The following NRXN1 variants were observed in gnomAD, a reference collection of about 807,000 sequenced individuals.
NRXN1 encodes the protein neurexin-1.
Under a neutral mutation model 150.9 loss-of-function variants are expected in NRXN1, and 39 were observed. That is an observed-to-expected ratio of 0.26 (90% CI 0.20 to 0.34). The LOEUF (loss-of-function observed/expected upper bound fraction) is 0.34. Among genes scored for constraint, NRXN1 ranks in the 10% least tolerant of loss-of-function variants. The pLI, the probability that NRXN1 is intolerant of heterozygous loss-of-function variation, is 1.00. For missense variants in NRXN1, 1,815 were observed against 1,949.9 expected (o/e 0.93, Z 1.30); for synonymous variants, 924 against 757.0 (o/e 1.22, Z -3.62).
At chr2:50,840,766 T>C (rs917604113) in intron 5 of NRXN1, among the ~76,000 whole-genome samples, 7 of 152,270 alleles carry the variant, frequency 4.6e-5, no homozygotes, top group Middle Eastern at 3.4e-3. Flanking sequence ...TCTATAGAAA[T>C]CTCATGTTTT....
chr2:50,949,428 G>A (rs181903448), intron 2 of NRXN1, among the ~76,000 whole-genome samples: 4 of 152,038 alleles, frequency 2.6e-5, no homozygotes, highest in Admixed American at 6.6e-5. Context: ...TACTCATACT[G>A]AAACATACTC....
chr2:50,177,328 C>T (rs1309415477), intron 18 of NRXN1, among the ~76,000 whole-genome samples: 1 of 151,874 alleles, frequency 6.6e-6, no homozygotes, highest in East Asian at 1.9e-4. Flanking sequence ...GTTTCATGCA[C>T]GTTAAATAGT....
At chr2:50,022,416 G>T (rs1017607136) in intron 21 of NRXN1, among the ~76,000 whole-genome samples, 4 of 152,156 alleles carry the variant, frequency 2.6e-5, no homozygotes, top group Non-Finnish European at 4.4e-5. Context: ...TGTACTTAAT[G>T]ATTAGATACA....
chr2:50,408,997 T>C (rs189958029), intron 17 of NRXN1, among the ~76,000 whole-genome samples: 1 of 152,258 alleles, frequency 6.6e-6, no homozygotes, highest in Admixed American at 6.5e-5. Context: ...ATGTGGTAAC[T>C]TTTTGGAGTG....
chr2:50,128,131 C>G (rs1366582953), intron 18 of NRXN1, among the ~76,000 whole-genome samples: 1 of 152,166 alleles, frequency 6.6e-6, no homozygotes, highest in Non-Finnish European at 1.5e-5. Context: ...TATCTTTGAG[C>G]TCTACCATGA....
At chr2:50,412,013 C>G (rs1572875449) in intron 17 of NRXN1, among the ~76,000 whole-genome samples, 1 of 152,204 alleles carries the variant, frequency 6.6e-6, no homozygotes, top group East Asian at 1.9e-4. Flanking sequence ...TATAACCTTA[C>G]CCCCAACCCC....
intron 5 of NRXN1, among the ~76,000 whole-genome samples, chr2:50,695,913 G>A (rs1692766909): frequency 6.8e-6 from 1 of 147,830 alleles, no homozygotes. Flanking sequence ...CACAATCTTG[G>A]CTCACTGCAA....
chr2:49,945,404 T>TA lies in NRXN1; in HGVS notation c.4129-1614dup, dbSNP rs572918408. Among the ~76,000 whole-genome samples, 47 of 151,764 alleles carry TA rather than the reference T, an allele frequency of 3.1e-4. 1 individual carries two copies. The East Asian group carries it at 6.8e-3, about 22-fold the overall frequency. ...TGGGGGTTTTCTCTTTTTTTTTTTT[T>TA]ATTATACTTTTAGTTCCAGGATACA... On this transcript the variant is annotated intron_variant, in intron 21 of 22. Coordinates refer to ENST00000401669, the MANE Select transcript of NRXN1 (RefSeq NM_001330078.2).
chr2:50,849,931 G>T (rs1438484030), intron 5 of NRXN1, among the ~76,000 whole-genome samples: 1 of 152,034 alleles, frequency 6.6e-6, no homozygotes, highest in Non-Finnish European at 1.5e-5. Context: ...ATTTGTCCAG[G>T]TGTGGTGCTC....
At chr2:50,925,887 A>C (rs1170146927) in intron 3 of NRXN1, 51 bp downstream of exon 3, 1 of 1,451,516 alleles carries the variant, frequency 6.9e-7, no homozygotes, top group Non-Finnish European at 9.5e-7. Context: ...TATTAGTACT[A>C]AGAAATAAAG....
At chr2:50,823,362 T>A (rs1419144501) in intron 5 of NRXN1, among the ~76,000 whole-genome samples, 1 of 151,800 alleles carries the variant, frequency 6.6e-6, no homozygotes, top group Non-Finnish European at 1.5e-5. Context: ...TGAATCAAAA[T>A]TTTTTTTTCT....
At chr2:50,800,724 A>G (rs758407696) in intron 5 of NRXN1, among the ~76,000 whole-genome samples, 8 of 152,012 alleles carry the variant, frequency 5.3e-5, no homozygotes, top group Non-Finnish European at 1.2e-4. Flanking sequence ...TAATTTTTGC[A>G]TTTTTAGTAG....
chr2:50,341,140 A>G (rs1159950611), intron 17 of NRXN1, among the ~76,000 whole-genome samples: 1 of 152,168 alleles, frequency 6.6e-6, no homozygotes, highest in Non-Finnish European at 1.5e-5. Context: ...TCCTGCCTCC[A>G]TCTCTGCTGC....
At chr2:50,962,601 A>G (rs574371880) in intron 2 of NRXN1, among the ~76,000 whole-genome samples, 32 of 151,738 alleles carry the variant, frequency 2.1e-4, no homozygotes, top group African/African-American at 7.2e-4. Flanking sequence ...CTACAAGCTT[A>G]TGGGATCTCA....
chr2:50,465,701 C>T (rs2088760423), intron 16 of NRXN1, 140 bp from the exon 17 acceptor site: 2 of 779,956 alleles, frequency 2.6e-6, no homozygotes, highest in Non-Finnish European at 3.8e-6. Flanking sequence ...GTTCACACAC[C>T]TGAATTAGGA....
chr2:50,927,470 T>G (rs1687077506), intron 2 of NRXN1, among the ~76,000 whole-genome samples: 1 of 152,008 alleles, frequency 6.6e-6, no homozygotes. Context: ...GACTTCTAGT[T>G]TGTTTTTGTT....
intron 17 of NRXN1, among the ~76,000 whole-genome samples, chr2:50,367,437 C>T (rs184996884): frequency 3.3e-5 from 5 of 152,070 alleles, no homozygotes; most frequent in Admixed American, 1.3e-4. Flanking sequence ...ATTCTTTCAT[C>T]CACTTAATTA....
intron 5 of NRXN1, among the ~76,000 whole-genome samples, chr2:50,856,902 A>T (rs574047702): frequency 1.3e-5 from 2 of 152,098 alleles, no homozygotes; most frequent in Non-Finnish European, 2.9e-5. Context: ...AATAATTCCC[A>T]GATAACTAGC....
At chr2:50,914,714 T>C (rs1041569567) in intron 5 of NRXN1, among the ~76,000 whole-genome samples, 11 of 151,696 alleles carry the variant, frequency 7.3e-5, no homozygotes, top group South Asian at 2.1e-4. Flanking sequence ...ACTTTGTTTA[T>C]TCTTCATAGA....
Sources: allele counts gnomAD v4.1 joint callset (sites outside exome capture counted in the v4.1 genomes callset), GRCh38; gene constraint gnomAD v4.1.1; transcripts MANE v1.5; gene names NCBI Gene and HGNC (gene_info 2026-07-23, HGNC 2026-07-21).